Variants in ADAMTS9 observed in about 807,000 individuals in gnomAD.
The protein encoded by ADAMTS9 is ADAM metallopeptidase with thrombospondin type 1 motif 9.
ADAMTS9 carries 107 observed loss-of-function variants against 257.1 expected under a neutral mutation model. That is an observed-to-expected ratio of 0.42 (90% confidence interval 0.36 to 0.49). The LOEUF is 0.49. ADAMTS9 is among the 20% of genes least tolerant of loss of function. The pLI is 0.03. For missense variants in ADAMTS9, 2,353 were observed against 2,469.1 expected, an observed-to-expected ratio of 0.95 and a Z score of 1.00; for synonymous variants, 982 against 880.9, an observed-to-expected ratio of 1.11 and a Z score of -2.03.
intron 30 of ADAMTS9, 162 bp downstream of exon 30, chr3:64,561,416 T>G: frequency 1.6e-6 from 1 of 641,322 alleles, no homozygotes; most frequent in Non-Finnish European, 2.4e-6. Flanking sequence ...CTCCCACCCT[T>G]GTTGGAGCGA....
intron 28 of ADAMTS9, 64 bp from the exon 29 acceptor site, chr3:64,568,599 C>A: frequency 6.3e-7 from 1 of 1,585,512 alleles, no homozygotes; most frequent in East Asian, 2.3e-5. Flanking sequence ...TGAGAAAAAA[C>A]CTGCGTCTTG....
intron 3 of ADAMTS9, among the ~76,000 whole-genome samples, chr3:64,670,426 A>G (rs1368980551): frequency 1.3e-5 from 2 of 152,066 alleles, no homozygotes; most frequent in African/African-American, 4.8e-5. Context: ...CTCCTATTCC[A>G]TTTTTTGGGC....
intron 11 of ADAMTS9, among the ~76,000 whole-genome samples, chr3:64,645,609 TC>T (rs1700768456): frequency 6.6e-6 from 1 of 152,230 alleles, no homozygotes; most frequent in African/African-American, 2.4e-5. Context: ...ATATTCACCT[TC>T]TTTGGCATTT....
intron 3 of ADAMTS9, among the ~76,000 whole-genome samples, chr3:64,667,067 G>A (rs1701368705): frequency 6.6e-6 from 1 of 152,116 alleles, no homozygotes; most frequent in African/African-American, 2.4e-5. Context: ...CCAGTGTCAA[G>A]TAGTGCTACA....
At chr3:64,619,835 A>AT (rs930418345) in intron 19 of ADAMTS9, among the ~76,000 whole-genome samples, 4 of 151,982 alleles carry the variant, frequency 2.6e-5, no homozygotes, top group African/African-American at 7.2e-5. Context: ...CCACCAATTC[A>AT]TTTTTTTCCC....
At position 64,533,157 on chromosome 3, in the gene ADAMTS9, G is replaced by A. The variant is rs1286282259; in HGVS notation, c.5718+9C>T. ...AAATTCATCTCCCAACCCATCTGTA[G>A]AACCTTACCGGCGACTTCTTGATGT... On this transcript the variant is annotated intron_variant, in intron 38 of 39. Transcript: ENST00000498707. The A allele has an allele frequency of 1.2e-6, 2 of 1,605,102 alleles. No individual in the cohort carries two copies. Among genetic ancestry groups the A allele is most frequent in the Non-Finnish European group, 1.7e-6 (2 of 1,172,172 alleles).
At chr3:64,538,756 G>C (rs967598499) in intron 37 of ADAMTS9, among the ~76,000 whole-genome samples, 3 of 152,096 alleles carry the variant, frequency 2.0e-5, no homozygotes, top group African/African-American at 7.2e-5. Flanking sequence ...GTGACATAAT[G>C]TTGACGGCTT....
At chr3:64,619,881 T>C (rs1700062893) in intron 19 of ADAMTS9, among the ~76,000 whole-genome samples, 1 of 152,160 alleles carries the variant, frequency 6.6e-6, no homozygotes, top group Non-Finnish European at 1.5e-5. Flanking sequence ...AGCGGTTAGT[T>C]AACTAATTAT....
chr3:64,627,642 A>G (rs1700257862), intron 16 of ADAMTS9, among the ~76,000 whole-genome samples: 1 of 152,142 alleles, frequency 6.6e-6, no homozygotes, highest in East Asian at 1.9e-4. Flanking sequence ...TAGTTTCCTG[A>G]AAACAAGAGC....
chr3:64,545,375 T>G (rs149664968), intron 32 of ADAMTS9, among the ~76,000 whole-genome samples: 1 of 152,352 alleles, frequency 6.6e-6, no homozygotes, highest in East Asian at 1.9e-4. Context: ...CCACCAATGA[T>G]AGACTGCACT....
chr3:64,601,602 TTC>T (rs1313848865), intron 26 of ADAMTS9, among the ~76,000 whole-genome samples: 26 of 152,124 alleles, frequency 1.7e-4, no homozygotes, highest in African/African-American at 6.3e-4. Flanking sequence ...TCAGAAAAGT[TTC>T]TCTGTCTTCT....
chr3:64,615,721 C>A (rs960682402), intron 20 of ADAMTS9, among the ~76,000 whole-genome samples: 1 of 152,088 alleles, frequency 6.6e-6, no homozygotes, highest in Non-Finnish European at 1.5e-5. Flanking sequence ...GTAGAGTATG[C>A]AAAAGAAATC....
intron 32 of ADAMTS9, among the ~76,000 whole-genome samples, chr3:64,544,505 A>C (rs954393568): frequency 2.6e-5 from 4 of 152,166 alleles, no homozygotes; most frequent in African/African-American, 4.8e-5. Context: ...CAAAAACAAG[A>C]AATGGGGAAA....
At chr3:64,627,109 A>G (rs76631974) in intron 16 of ADAMTS9, among the ~76,000 whole-genome samples, 1 of 152,298 alleles carries the variant, frequency 6.6e-6, no homozygotes, top group Non-Finnish European at 1.5e-5. Flanking sequence ...GAGGAAATAA[A>G]AAGTCAGATG....
In ADAMTS9 at chr3:64,649,782, C is replaced by T. The variant is rs200498929; in HGVS notation, c.1464-4G>A. 2.6e-5 allele frequency: 42 copies of T among 1,611,422 alleles called. No homozygotes were observed. The Middle Eastern group carries it at 1.0e-3, about 38-fold the overall frequency. The stretch of plus-strand genomic sequence containing the variant: ...CAAACACTCGCCATAACCAGTGCTA[C>T]GGAAACACACAGAAACACACAGATG... On this transcript the variant is annotated splice_region_variant and splice_polypyrimidine_tract_variant and intron_variant, in intron 9 of 39. Transcript: ENST00000498707.
chr3:64,574,560 A>AAAAAC (rs1491437235), intron 28 of ADAMTS9, among the ~76,000 whole-genome samples: 1 of 55,110 alleles, frequency 1.8e-5, no homozygotes, highest in African/African-American at 2.6e-4. Context: ...CCATCTCTAC[A>AAAAAC]AAAAAAAAAA....
At chr3:64,583,385 T>C (rs1382759368) in intron 28 of ADAMTS9, 3 of 152,212 alleles carry the variant, frequency 2.0e-5, no homozygotes, top group Admixed American at 6.5e-5. Flanking sequence ...CTACATTTTA[T>C]GGGAAATTCA....
At chr3:64,642,103 G>A in intron 11 of ADAMTS9, 110 bp from the exon 12 acceptor site, 2 of 1,245,506 alleles carry the variant, frequency 1.6e-6, no homozygotes, top group South Asian at 1.4e-5. Context: ...GTGTGGGTTT[G>A]AAATGCTGCA....
At chr3:64,658,911 C>T (rs1701155206) in intron 3 of ADAMTS9, 120 bp from the exon 4 acceptor site, 4 of 1,029,344 alleles carry the variant, frequency 3.9e-6, no homozygotes, top group Middle Eastern at 5.8e-4. Context: ...AAAACAAGTC[C>T]TCCATGGACT....
Sources: allele counts gnomAD v4.1 joint callset (sites outside exome capture counted in the v4.1 genomes callset), GRCh38; gene constraint gnomAD v4.1.1; transcripts MANE v1.5; gene names NCBI Gene and HGNC (gene_info 2026-07-23, HGNC 2026-07-21).